Variants in NUP214 observed in about 807,000 individuals in gnomAD.
NUP214 encodes the protein nucleoporin 214.
NUP214 carries 79 observed loss-of-function variants against 196.2 expected under a neutral mutation model. The observed-to-expected ratio is 0.40, with a 90% CI of 0.34 to 0.49. The LOEUF (loss-of-function observed/expected upper bound fraction) is 0.49, where lower values mean the gene tolerates loss of function less well. NUP214 is among the 20% of genes least tolerant of loss of function. The pLI, the probability that NUP214 is intolerant of heterozygous loss-of-function variation, is 0.58. For synonymous variants in NUP214, 1,020 were observed against 990.5 expected, an observed-to-expected ratio of 1.03 and a Z score of -0.56; for missense variants, 2,468 against 2,539.0, an observed-to-expected ratio of 0.97 and a Z score of 0.60.
At chr9:131,203,188 G>A (rs1450766352) in intron 30 of NUP214, among the ~76,000 whole-genome samples, 1 of 151,762 alleles carries the variant, frequency 6.6e-6, no homozygotes, top group African/African-American at 2.4e-5. Context: ...CTCGTGATCC[G>A]CCCACCTCAG....
At chr9:131,152,158 A>T (rs1322916198) in intron 17 of NUP214, among the ~76,000 whole-genome samples, 1 of 152,164 alleles carries the variant, frequency 6.6e-6, no homozygotes, top group Non-Finnish European at 1.5e-5. Flanking sequence ...TCTGTTGCCC[A>T]GGCTAGTGTG....
intron 30 of NUP214, among the ~76,000 whole-genome samples, chr9:131,206,185 G>A (rs1279294339): frequency 2.4e-5 from 2 of 81,660 alleles, no homozygotes; most frequent in Admixed American, 3.1e-4. Flanking sequence ...TACTCCTGTC[G>A]TCAAGGCTGG....
chr9:131,134,858 T>C, intron 7 of NUP214, 40 bp from the exon 8 acceptor site: 2 of 1,331,308 alleles, frequency 1.5e-6, no homozygotes, highest in East Asian at 4.6e-5. Flanking sequence ...CTGAGAAAAA[T>C]TGCACATGAG....
At chr9:131,222,592 C>A in intron 31 of NUP214, 186 bp from the exon 32 acceptor site, 1 of 544,926 alleles carries the variant, frequency 1.8e-6, no homozygotes, top group East Asian at 3.2e-5. Context: ...TTAAAAACTT[C>A]CCAGCAAGGT....
At chr9:131,147,920 G>A (rs948938100) in intron 14 of NUP214, among the ~76,000 whole-genome samples, 1 of 152,214 alleles carries the variant, frequency 6.6e-6, no homozygotes, top group Non-Finnish European at 1.5e-5. Context: ...GGCACAGTGG[G>A]TCATGCCTGT....
chr9:131,206,954 G>A (rs1834105050), intron 30 of NUP214, among the ~76,000 whole-genome samples: 1 of 152,208 alleles, frequency 6.6e-6, no homozygotes, highest in Admixed American at 6.5e-5. Context: ...TTTCTATGAT[G>A]GCAGGGGCCT....
intron 30 of NUP214, among the ~76,000 whole-genome samples, chr9:131,208,337 A>G (rs1834140396): frequency 6.6e-6 from 1 of 152,286 alleles, no homozygotes; most frequent in African/African-American, 2.4e-5. Context: ...AGTGTCAAAC[A>G]GCAGATGAAT....
Position 131,139,291 on chromosome 9 carries a change from A to G in NUP214, c.1016A>G (p.Glu339Gly). 2.2e-6 allele frequency: 3 copies of G among 1,393,502 alleles called. No individual in the cohort carries two copies. Among genetic ancestry groups the G allele is most frequent in the Non-Finnish European group, 2.8e-6 (3 of 1,069,148 alleles). The allele number at this position is 1,393,502 out of a possible 1,614,324, so 86.3% of individuals were successfully genotyped here. Residue 339 changes from glutamate (E) to glycine (G), a missense_variant, in exon 10 of 36, where the codon GAA becomes GGA. Physicochemically the swap from Glu to Gly is moderately conservative, Grantham distance 98 (BLOSUM62 -2). This residue lies in a region of NUP214 where 392 missense variants were observed against 417.9 expected (regional missense o/e 0.94). Coordinates refer to ENST00000359428, the MANE Select transcript of NUP214 (RefSeq NM_005085.4). ...TTTTTTTTTTTTTAGATTAATTGGG[A>G]ATCTTGGCTACTGGAGGATTCTAGT... ...LARQSDQINW[E>G]SWLLEDSSRA...
chr9:131,215,230 G>A lies in NUP214; in HGVS notation c.5611G>A (p.Gly1871Ser). The A allele has an allele frequency of 6.4e-7, 1 of 1,563,194 alleles. No homozygotes were observed. The highest frequency in any genetic ancestry group is 8.6e-7 in the Non-Finnish European group (1 of 1,157,820). The change falls in exon 31 of 36, where the codon GGT becomes AGT. Residue 1871 changes from glycine (G) to serine (S), a missense_variant. This residue lies in a region of NUP214 where 262 missense variants were observed against 296.5 expected (regional missense o/e 0.88). Transcript: ENST00000359428. ...VFGQQSSSSS[G>S]SVFGSGNTGR... ...TTTTTAGCAATCATCCTCTTCCAGT[G>A]GTAGCGTGTTTGGGTCTGGAAACAC...
intron 21 of NUP214, chr9:131,167,425 C>T (rs1218915372): frequency 4.6e-5 from 7 of 152,182 alleles, no homozygotes; most frequent in Non-Finnish European, 8.8e-5. Flanking sequence ...ATAGCTATTA[C>T]AGAAAAGGTT....
At chr9:131,169,298 T>C (rs1291499635) in intron 21 of NUP214, among the ~76,000 whole-genome samples, 1 of 152,086 alleles carries the variant, frequency 6.6e-6, no homozygotes, top group Non-Finnish European at 1.5e-5. Flanking sequence ...ACTCCCAAAG[T>C]GCTCGGATTA....
rs78961181 is a variant in NUP214, at chr9:131,178,248, G to T, written c.3320-63G>T. 1.2e-3 allele frequency: 1,574 copies of T among 1,321,140 alleles called. 14 individuals are homozygous for T. The African/African-American group carries it at 0.018, about 15-fold the overall frequency. The allele number at this position is 1,321,140 out of a possible 1,614,324, so 81.8% of individuals were successfully genotyped here. A position where few individuals can be genotyped will look rare whatever the true frequency, so the allele number is the denominator to read the frequency against. On this transcript the variant is annotated intron_variant, in intron 23 of 35. Coordinates refer to ENST00000359428, the MANE Select transcript of NUP214 (RefSeq NM_005085.4). ...ATGTCTTGGTTTTTCATTTATATGT[G>T]GCTAGAACTTTTTATCCTTTGCTGG... is the stretch of plus-strand genomic sequence containing the variant.
chr9:131,231,483 AT>A (rs983100661), intron 34 of NUP214, among the ~76,000 whole-genome samples: 1 of 150,506 alleles, frequency 6.6e-6, no homozygotes, highest in East Asian at 1.9e-4. Context: ...TGGCATATAT[AT>A]TTTTTTTTAG....
rs76709528 is a variant in NUP214, at chr9:131,151,579, G to T, written c.2278-157G>T. On this transcript the variant is annotated intron_variant, in intron 16 of 35. Coordinates refer to ENST00000359428, the MANE Select transcript of NUP214 (RefSeq NM_005085.4). ...AATATAAAAAAAGAACATTAGTGTC[G>T]TTCTAAACAGTTAAATTCTTTTTTT... Among the ~76,000 whole-genome samples the T allele has an allele frequency of 0.047, 7,151 of 152,160 alleles. 258 individuals carry two copies. The highest frequency in any genetic ancestry group is 0.1 in the African/African-American group (4,169 of 41,514).
chr9:131,177,718 T>G (rs1588148507), intron 23 of NUP214, among the ~76,000 whole-genome samples: 2 of 152,184 alleles, frequency 1.3e-5, no homozygotes, highest in East Asian at 3.8e-4. Context: ...GGATACAATT[T>G]ACAATTATAA....
intron 18 of NUP214, among the ~76,000 whole-genome samples, chr9:131,160,296 C>T (rs918062999): frequency 1.3e-5 from 2 of 152,040 alleles, no homozygotes; most frequent in South Asian, 4.1e-4. Flanking sequence ...ACAAAATATT[C>T]GTAGTTATAT....
chr9:131,125,591 C>G lies in NUP214; in HGVS notation c.-114C>G, dbSNP rs1564174141. On this transcript the variant is annotated 5_prime_UTR_variant, in exon 1 of 36. Transcript: ENST00000359428. The surrounding 1 kb of genome is among the most constrained non-coding windows in gnomAD (Gnocchi z 4.1). ...CCAAAGCGCGCCGGAAATGCGAGGT[C>G]AACTGCGCGCCGCTGGCGCTGAGGG... 6.5e-7 allele frequency: 1 copy of G among 1,547,948 alleles called. No homozygotes were observed. Among genetic ancestry groups the G allele is most frequent in the Non-Finnish European group, 8.7e-7 (1 of 1,144,992 alleles).
At chr9:131,148,164 C>T (rs1832139329) in intron 14 of NUP214, among the ~76,000 whole-genome samples, 1 of 150,112 alleles carries the variant, frequency 6.7e-6, no homozygotes, top group Non-Finnish European at 1.5e-5. Flanking sequence ...CCCTTCTAGT[C>T]ACTACTCTTG....
chr9:131,219,582 G>C (rs1834499789), intron 31 of NUP214, among the ~76,000 whole-genome samples: 2 of 152,174 alleles, frequency 1.3e-5, no homozygotes, highest in African/African-American at 4.8e-5. Context: ...CATCCCCATA[G>C]AATCTACTAA....
Sources: gnomAD v4.1 joint callset for allele counts (sites outside exome capture counted in the v4.1 genomes callset) on GRCh38, gnomAD v4.1.1 for gene constraint, gnomAD v4.1.1 regional missense constraint, Gnocchi (gnomAD v3.1) non-coding constraint, MANE v1.5 for transcripts, NCBI Gene and HGNC (gene_info 2026-07-23, HGNC 2026-07-21) for gene names.